BORCS7: variants seen among roughly 807,000 people sequenced by gnomAD.
The protein encoded by BORCS7 is BLOC-1-related complex subunit 7.
In BORCS7, 20 loss-of-function variants were observed where a neutral mutation model predicts 17.5. That is an observed-to-expected ratio of 1.14 (90% CI 0.80 to 1.66). The LOEUF is 1.66. BORCS7 is among the 40% of genes most tolerant of loss of function. The pLI is 0.00. For missense variants in BORCS7, 122 were observed against 129.7 expected (o/e 0.94, Z 0.29); for synonymous variants, 57 against 49.8 (o/e 1.14, Z -0.61).
chr10:102,858,190 TAGAGAGAGAGAGCGAGCG>T (rs772407866), intron 1 of BORCS7, among the ~76,000 whole-genome samples: 2,275 of 135,022 alleles, frequency 0.017, 59 homozygotes, highest in South Asian at 0.12. Context: ...TATATATATA[TAGAGAGAGAGAGCGAGCG>T]AGAGAGAGAG....
At chr10:102,854,544 GAGT>G (rs1844393758) in intron 1 of BORCS7, 117 bp downstream of exon 1, 1 of 1,265,522 alleles carries the variant, frequency 7.9e-7, no homozygotes, top group Non-Finnish European at 1.1e-6. Flanking sequence ...TACTTGCTAT[GAGT>G]AGGTCTTCTT....
Position 102,864,382 on chromosome 10 carries a change from G to C in BORCS7, c.*1458G>C, listed in dbSNP as rs1844563714. The C allele has an allele frequency of 6.6e-6, 1 of 152,112 alleles. No homozygotes were observed. The highest frequency in any genetic ancestry group is 1.5e-5 in the Non-Finnish European group (1 of 68,004). 9.4% of individuals were successfully genotyped at this position (152,112 alleles called of 1,614,324 possible). A position where few individuals can be genotyped will look rare whatever the true frequency, so the allele number is the denominator to read the frequency against. On this transcript the variant is annotated 3_prime_UTR_variant, in exon 5 of 5. Transcript: ENST00000339834. The stretch of plus-strand genomic sequence containing the variant: ...CTATAAACATGTATTAATAATTGCA[G>C]TATTATTAAATACAGATGGACTCAA...
chr10:102,856,338 C>G (rs957435174), intron 1 of BORCS7, among the ~76,000 whole-genome samples: 4 of 151,516 alleles, frequency 2.6e-5, no homozygotes, highest in Admixed American at 2.6e-4. Context: ...TTGCTTAAGC[C>G]CAGGGGTTCG....
intron 1 of BORCS7, among the ~76,000 whole-genome samples, chr10:102,859,570 CT>C (rs570995629): frequency 9.8e-4 from 134 of 136,386 alleles, no homozygotes; most frequent in Middle Eastern, 3.7e-3. Context: ...TTTTTTTTTT[CT>C]TTTTTTTTTT....
At chr10:102,860,433 G>T in intron 2 of BORCS7, 39 bp downstream of exon 2, 1 of 1,610,562 alleles carries the variant, frequency 6.2e-7, no homozygotes. Flanking sequence ...TTGGGTTTAT[G>T]TATATGGTTT....
rs1339860749 is a variant in BORCS7 at position 102,864,934 on chromosome 10, T to TA, written c.*2012dup. ...GTGTGATAATACCAAAGCAGTACTATAAGAAAATAAGCATGCTTTAAATCC... is the reference window on the plus strand; with the variant it reads ...GTGTGATAATACCAAAGCAGTACTATAAAGAAAATAAGCATGCTTTAAATCC... On this transcript the variant is annotated 3_prime_UTR_variant, in exon 5 of 5. Coordinates refer to ENST00000339834, the MANE Select transcript of BORCS7 (RefSeq NM_001136200.2). The TA allele has an allele frequency of 6.6e-6, 1 of 152,010 alleles. No homozygotes were observed. Among genetic ancestry groups the TA allele is most frequent in the Admixed American group, 6.6e-5 (1 of 15,256 alleles). The allele number at this position is 152,010 out of a possible 1,614,324, so 9.4% of individuals were successfully genotyped here.
At chr10:102,862,065 A>T (rs1844529919) in intron 3 of BORCS7, 95 bp from the exon 4 acceptor site, 1 of 1,190,194 alleles carries the variant, frequency 8.4e-7, no homozygotes, top group African/African-American at 1.5e-5. Context: ...ATGTGACATA[A>T]GCTGAAATTT....
intron 1 of BORCS7, 49 bp from the exon 2 acceptor site, chr10:102,860,283 C>T (rs1456177558): frequency 6.5e-7 from 1 of 1,535,498 alleles, no homozygotes; most frequent in East Asian, 2.3e-5. Context: ...GAGAAGATTA[C>T]AGGAAGTTTG....
chr10:102,856,828 C>CTTCAAGG (rs1246869940), intron 1 of BORCS7, among the ~76,000 whole-genome samples: 1 of 152,162 alleles, frequency 6.6e-6, no homozygotes, highest in Admixed American at 6.5e-5. Flanking sequence ...TTACAACAGC[C>CTTCAAGG]CCTGCCTTCA....
At chr10:102,857,594 G>C (rs1051556286) in intron 1 of BORCS7, among the ~76,000 whole-genome samples, 1 of 152,120 alleles carries the variant, frequency 6.6e-6, no homozygotes, top group African/African-American at 2.4e-5. Context: ...CTGGCAAAAA[G>C]ATGCAAAGAT....
chr10:102,859,611 G>C (rs979970404), intron 1 of BORCS7, among the ~76,000 whole-genome samples: 4 of 150,300 alleles, frequency 2.7e-5, no homozygotes, highest in African/African-American at 9.8e-5. Context: ...TGTCGCCCAG[G>C]CTGGAGTACA....
At chr10:102,858,378 A>C (rs1465857182) in intron 1 of BORCS7, among the ~76,000 whole-genome samples, 1 of 151,658 alleles carries the variant, frequency 6.6e-6, no homozygotes, top group Non-Finnish European at 1.5e-5. Context: ...GGCTGGGTGT[A>C]GGGGCTCATG....
At chr10:102,860,594 T>G (rs1045333033) in intron 3 of BORCS7, 53 bp downstream of exon 3, 1 of 1,576,732 alleles carries the variant, frequency 6.3e-7, no homozygotes, top group Non-Finnish European at 8.7e-7. Flanking sequence ...ATCCCTGGTC[T>G]GCTTTCATGG....
Position 102,860,291 on chromosome 10 carries a change from T to G in BORCS7, c.142-41T>G, listed in dbSNP as rs372222571. 6.0e-4 allele frequency: 943 copies of G among 1,574,630 alleles called. 1 individual carries two copies. Among genetic ancestry groups the G allele is most frequent in the Middle Eastern group, 1.3e-3 (8 of 6,006 alleles). On this transcript the variant is annotated intron_variant, in intron 1 of 4. Transcript: ENST00000339834. ...CTGCAGAGAGAAGATTACAGGAAGT[T>G]TGGGAATTTTGATTATTACCATTTT...
Position 102,864,640 on chromosome 10 carries a change from T to C in BORCS7, c.*1716T>C, listed in dbSNP as rs1844566712. The C allele has an allele frequency of 1.3e-5, 2 of 152,102 alleles. No individual in the cohort carries two copies. The highest frequency in any genetic ancestry group is 4.8e-5 in the African/African-American group (2 of 41,446). 9.4% of individuals were successfully genotyped at this position (152,102 alleles called of 1,614,324 possible). On this transcript the variant is annotated 3_prime_UTR_variant, in exon 5 of 5. Transcript: ENST00000339834. ...ATAAGATAAAATTTATATTAAATAATGAAAACGTATTTGTACTGAATTTAG... is the reference window on the plus strand; with the variant it reads ...ATAAGATAAAATTTATATTAAATAACGAAAACGTATTTGTACTGAATTTAG...
chr10:102,858,893 A>C (rs1289218951), intron 1 of BORCS7, among the ~76,000 whole-genome samples: 1 of 152,020 alleles, frequency 6.6e-6, no homozygotes, highest in African/African-American at 2.4e-5. Context: ...AGAACAGGGA[A>C]GGGCCGGTAG....
intron 1 of BORCS7, chr10:102,854,647 A>G (rs1158859874): frequency 2.3e-6 from 1 of 440,998 alleles, no homozygotes; most frequent in Non-Finnish European, 3.8e-6. Flanking sequence ...TGCCATGGGA[A>G]CCTGTGCTTT....
chr10:102,854,540 C>T (rs1410913545), intron 1 of BORCS7, 113 bp downstream of exon 1: 2 of 1,293,510 alleles, frequency 1.5e-6, no homozygotes, highest in Non-Finnish European at 2.1e-6. Context: ...GAAGTACTTG[C>T]TATGAGTAGG....
chr10:102,860,318 T>C lies in BORCS7; in HGVS notation c.142-14T>C. On this transcript the variant is annotated splice_polypyrimidine_tract_variant and intron_variant, in intron 1 of 4. Coordinates refer to ENST00000339834, the MANE Select transcript of BORCS7 (RefSeq NM_001136200.2). ...GGGAATTTTGATTATTACCATTTTA[T>C]TTTTGTCTTCCAGCTGCTAGGTCAG... is the stretch of plus-strand genomic sequence containing the variant. 1 of 1,612,676 alleles carries C rather than the reference T, an allele frequency of 6.2e-7. No individual in the cohort carries two copies. Among genetic ancestry groups the C allele is most frequent in the East Asian group, 2.2e-5 (1 of 44,876 alleles).
Sources: allele counts gnomAD v4.1 joint callset (sites outside exome capture counted in the v4.1 genomes callset), GRCh38; gene constraint gnomAD v4.1.1; transcripts MANE v1.5; gene names NCBI Gene and HGNC (gene_info 2026-07-23, HGNC 2026-07-21).